MAP4K4: variants seen among roughly 807,000 people sequenced by gnomAD.
MAP4K4 encodes the protein mitogen-activated protein kinase kinase kinase kinase 4.
A neutral mutation model predicts 189.6 loss-of-function variants in MAP4K4; 38 were observed. The ratio of observed to expected loss-of-function variants is 0.20; its 90% CI spans 0.15 to 0.26. The LOEUF (loss-of-function observed/expected upper bound fraction) is 0.26, where lower values mean the gene tolerates loss of function less well. MAP4K4 is among the 10% of genes least tolerant of loss of function. The pLI is 1.00. For missense variants in MAP4K4, 1,054 were observed against 1,726.9 expected (o/e 0.61, Z 6.91); for synonymous variants, 610 against 624.3 (o/e 0.98, Z 0.34).
At chr2:101,809,697 T>G (rs779695312) in intron 3 of MAP4K4, among the ~76,000 whole-genome samples, 1 of 152,208 alleles carries the variant, frequency 6.6e-6, no homozygotes, top group Non-Finnish European at 1.5e-5. Context: ...GCCCCAGTAC[T>G]TCTTTATTAT....
At chr2:101,857,565 A>G (rs1228126673) in intron 13 of MAP4K4, among the ~76,000 whole-genome samples, 2 of 152,218 alleles carry the variant, frequency 1.3e-5, no homozygotes, top group African/African-American at 4.8e-5. Context: ...TTGCTCCGTC[A>G]CAGTTGGGTT....
intron 2 of MAP4K4, among the ~76,000 whole-genome samples, chr2:101,717,022 ATTACAGTG>A (rs574003955): frequency 7.6e-4 from 116 of 152,352 alleles, no homozygotes; most frequent in East Asian, 1.7e-3. Context: ...ATCACCATTA[ATTACAGTG>A]TTACAGTATG....
intron 2 of MAP4K4, among the ~76,000 whole-genome samples, chr2:101,788,020 T>G (rs1575564838): frequency 6.6e-6 from 1 of 152,062 alleles, no homozygotes; most frequent in East Asian, 1.9e-4. Context: ...GTCAGGCTGG[T>G]CTTGAACTCC....
intron 5 of MAP4K4, among the ~76,000 whole-genome samples, chr2:101,828,297 T>C (rs1391665344): frequency 6.6e-6 from 1 of 152,148 alleles, no homozygotes; most frequent in Non-Finnish European, 1.5e-5. Flanking sequence ...ATAATAGAAA[T>C]AGGAATTACG....
intron 3 of MAP4K4, among the ~76,000 whole-genome samples, chr2:101,794,856 T>G (rs2093497964): frequency 6.6e-6 from 1 of 152,212 alleles, no homozygotes; most frequent in Admixed American, 6.5e-5. Context: ...TGTAAGAATT[T>G]AGCCAGATTG....
chr2:101,801,038 T>A (rs80270084), intron 3 of MAP4K4, among the ~76,000 whole-genome samples: 1 of 117,004 alleles, frequency 8.5e-6, no homozygotes, highest in Non-Finnish European at 1.8e-5. Context: ...CTGTTTTTTT[T>A]AAAAAAATGG....
rs950512634 is a variant in MAP4K4 at position 101,750,649 on chromosome 2, TTAAAG to T, written c.124-40068_124-40064del. On this transcript the variant is annotated intron_variant, in intron 2 of 32. Transcript: ENST00000324219. ...ACAATGTGCACATGTACCCTAAAAC[TTAAAG>T]TATATATATAAAAAAAAAAAGTTAG... 4.7e-5 allele frequency among the ~76,000 whole-genome samples: 7 copies of T among 150,378 alleles called. No individual in the cohort carries two copies. The East Asian group carries it at 7.8e-4, about 17-fold the overall frequency.
chr2:101,859,889 G>C, intron 15 of MAP4K4, 25 bp downstream of exon 15: 1 of 1,572,290 alleles, frequency 6.4e-7, no homozygotes, highest in Middle Eastern at 1.7e-4. Flanking sequence ...TTGTCACTTA[G>C]ACATTGCCCT....
intron 3 of MAP4K4, among the ~76,000 whole-genome samples, chr2:101,816,150 A>G (rs115416903): frequency 1.3e-5 from 2 of 151,758 alleles, no homozygotes; most frequent in African/African-American, 2.4e-5. Context: ...GTGTTTCCCA[A>G]CTCTCAGGGT....
chr2:101,839,715 G>C, intron 9 of MAP4K4, 104 bp from the exon 10 acceptor site: 1 of 836,310 alleles, frequency 1.2e-6, no homozygotes, highest in South Asian at 1.9e-5. Context: ...AATGTTCACA[G>C]TGAATTCTGA....
chr2:101,810,131 A>G (rs912840240), intron 3 of MAP4K4, among the ~76,000 whole-genome samples: 2 of 152,164 alleles, frequency 1.3e-5, no homozygotes, highest in Non-Finnish European at 2.9e-5. Flanking sequence ...CTGGTTTGGT[A>G]TAATAGGTAG....
At chr2:101,732,166 G>A (rs2058734828) in intron 2 of MAP4K4, among the ~76,000 whole-genome samples, 1 of 152,182 alleles carries the variant, frequency 6.6e-6, no homozygotes, top group Non-Finnish European at 1.5e-5. Flanking sequence ...AAAACCCACA[G>A]AAGTAGCTGG....
chr2:101,885,226 A>G (rs2150274521), exon 29 of MAP4K4: 2 of 1,607,862 alleles, frequency 1.2e-6, no homozygotes, highest in South Asian at 1.1e-5. Context: ...ATTGCTTTGA[A>G]GAGTTCTGTG....
intron 2 of MAP4K4, among the ~76,000 whole-genome samples, chr2:101,741,190 C>T (rs1254754966): frequency 7.9e-6 from 1 of 126,914 alleles, no homozygotes; most frequent in Non-Finnish European, 1.6e-5. Context: ...TTTTTTGAGA[C>T]AGAGTCTCGC....
chr2:101,834,149 C>CTTCCTTCCT (rs376119894), intron 7 of MAP4K4, among the ~76,000 whole-genome samples: 4 of 150,354 alleles, frequency 2.7e-5, no homozygotes, highest in Non-Finnish European at 4.4e-5. Context: ...CAATTTTCTC[C>CTTCCTTCCT]TTCCTTCCTT....
intron 12 of MAP4K4, among the ~76,000 whole-genome samples, chr2:101,852,454 G>A (rs574583831): frequency 2.0e-5 from 3 of 152,094 alleles, no homozygotes; most frequent in East Asian, 3.9e-4. Flanking sequence ...ATAAGACATG[G>A]TTCCTGCTTT....
At chr2:101,871,231 A>G (rs2150043753) in intron 23 of MAP4K4, among the ~76,000 whole-genome samples, 1 of 152,338 alleles carries the variant, frequency 6.6e-6, no homozygotes, top group Non-Finnish European at 1.5e-5. Context: ...GGTTTTGGTA[A>G]CAGAAGCTAG....
intron 2 of MAP4K4, among the ~76,000 whole-genome samples, chr2:101,700,871 C>T (rs1451767650): frequency 1.3e-5 from 2 of 150,494 alleles, no homozygotes; most frequent in Non-Finnish European, 3.0e-5. Flanking sequence ...AATAGCAGAA[C>T]ATCTCTTTTT....
chr2:101,811,773 C>G (rs758608107), intron 3 of MAP4K4, among the ~76,000 whole-genome samples: 85 of 152,256 alleles, frequency 5.6e-4, no homozygotes, highest in Non-Finnish European at 1.1e-3. Flanking sequence ...TAAAATCTGC[C>G]AAGGAAAGTG....
Sources: allele counts gnomAD v4.1 joint callset (sites outside exome capture counted in the v4.1 genomes callset), GRCh38; gene constraint gnomAD v4.1.1; transcripts MANE v1.5; gene names NCBI Gene and HGNC (gene_info 2026-07-23, HGNC 2026-07-21).